KIF5C: variants seen among roughly 807,000 people sequenced by gnomAD.
The protein encoded by KIF5C is kinesin family member 5C, also known as kinesin heavy chain isoform 5C.
Under a neutral mutation model 125.2 loss-of-function variants are expected in KIF5C, and 18 were observed. The ratio of observed to expected loss-of-function variants is 0.14; its 90% CI spans 0.10 to 0.21. KIF5C has a LOEUF of 0.21. KIF5C is among the 10% of genes least tolerant of loss of function. The pLI, the probability that KIF5C is intolerant of heterozygous loss-of-function variation, is 1.00. For synonymous variants in KIF5C, 405 were observed against 434.0 expected, an observed-to-expected ratio of 0.93 and a Z score of 0.83; for missense variants, 780 against 1,183.8, an observed-to-expected ratio of 0.66 and a Z score of 5.01.
chr2:148,958,479 T>A (rs2105125819), intron 10 of KIF5C, among the ~76,000 whole-genome samples: 1 of 152,332 alleles, frequency 6.6e-6, no homozygotes, highest in South Asian at 2.1e-4. Context: ...GGCACTTCTT[T>A]TATAAAGTGC....
chr2:148,928,759 T>A (rs1574759625), intron 2 of KIF5C, among the ~76,000 whole-genome samples: 1 of 152,086 alleles, frequency 6.6e-6, no homozygotes, highest in African/African-American at 2.4e-5. Flanking sequence ...GTTTATAGAG[T>A]GGGGCCCTTT....
chr2:148,937,438 GT>G (rs755521821), intron 4 of KIF5C, 50 bp downstream of exon 4: 1 of 1,536,656 alleles, frequency 6.5e-7, no homozygotes, highest in East Asian at 2.5e-5. Flanking sequence ...CCCAGATAAC[GT>G]TTCTTATACC....
chr2:148,992,276 A>T (rs1320314351), intron 16 of KIF5C, among the ~76,000 whole-genome samples: 1 of 152,214 alleles, frequency 6.6e-6, no homozygotes, highest in Non-Finnish European at 1.5e-5. Context: ...TAAAATTGAT[A>T]TATTCATACA....
At chr2:148,976,266 T>TTTATTTATTTAC (rs1052562315) in intron 12 of KIF5C, among the ~76,000 whole-genome samples, 1 of 150,614 alleles carries the variant, frequency 6.6e-6, no homozygotes, top group African/African-American at 2.4e-5. Context: ...TATTTATTTA[T>TTTATTTATTTAC]TTATTTATTT....
At chr2:148,912,496 G>A (rs1197374404) in intron 1 of KIF5C, among the ~76,000 whole-genome samples, 1 of 152,226 alleles carries the variant, frequency 6.6e-6, no homozygotes, top group Non-Finnish European at 1.5e-5. Context: ...CCAGGCCTTA[G>A]TGCAGTGGCA....
Position 149,024,919 on chromosome 2 carries a change from A to G in KIF5C, c.*1849A>G, listed in dbSNP as rs1218708151. 6.6e-6 allele frequency: 1 copy of G among 152,356 alleles called. No individual in the cohort carries two copies. Among genetic ancestry groups the G allele is most frequent in the Non-Finnish European group, 1.5e-5 (1 of 68,034 alleles). The allele number at this position is 152,356 out of a possible 1,614,324, so 9.4% of individuals were successfully genotyped here. On this transcript the variant is annotated 3_prime_UTR_variant, in exon 26 of 26. Coordinates refer to ENST00000435030, the MANE Select transcript of KIF5C (RefSeq NM_004522.3). ...TAACATATGCCACATAACCTTGTTG[A>G]TATGTTTGCTTCTGATTTGGGAAGC... is the stretch of plus-strand genomic sequence containing the variant.
At chr2:148,953,660 C>T (rs528634659) in intron 10 of KIF5C, among the ~76,000 whole-genome samples, 2 of 152,278 alleles carry the variant, frequency 1.3e-5, no homozygotes, top group East Asian at 3.9e-4. Context: ...TGAGGTTCCT[C>T]CGTTATTCCT....
intron 2 of KIF5C, among the ~76,000 whole-genome samples, chr2:148,922,595 C>A (rs912195179): frequency 2.6e-5 from 4 of 152,164 alleles, no homozygotes; most frequent in African/African-American, 9.7e-5. Context: ...TCCTGATGCT[C>A]CAGTTGTACA....
intron 2 of KIF5C, among the ~76,000 whole-genome samples, chr2:148,927,346 G>A (rs1682042253): frequency 6.6e-6 from 1 of 152,174 alleles, no homozygotes; most frequent in Admixed American, 6.5e-5. Flanking sequence ...TGGGAACATC[G>A]GCCCTTGCAG....
At chr2:148,963,498 T>C (rs1270975302) in intron 11 of KIF5C, among the ~76,000 whole-genome samples, 1 of 152,246 alleles carries the variant, frequency 6.6e-6, no homozygotes, top group African/African-American at 2.4e-5. Flanking sequence ...CCTAGTAGTC[T>C]AAATAACATG....
rs184475645 is a variant in KIF5C, at chr2:148,938,897, C to T, written c.396+1509C>T. Among the ~76,000 whole-genome samples the T allele has an allele frequency of 1.5e-3, 224 of 151,702 alleles. 1 individual carries two copies. Among genetic ancestry groups the T allele is most frequent in the Non-Finnish European group, 2.5e-3 (169 of 67,912 alleles). ...GGTCAGGAGTTCACGACCAGCCTGGCCAACATGGTGAAACCCTGTCTCAAC... is the reference window on the plus strand; with the variant it reads ...GGTCAGGAGTTCACGACCAGCCTGGTCAACATGGTGAAACCCTGTCTCAAC... On this transcript the variant is annotated intron_variant, in intron 4 of 25. Transcript: ENST00000435030.
chr2:149,015,056 A>T (rs1397370663), intron 25 of KIF5C, among the ~76,000 whole-genome samples: 1 of 152,148 alleles, frequency 6.6e-6, no homozygotes, highest in Non-Finnish European at 1.5e-5. Flanking sequence ...GGGCGTAGAC[A>T]TGCACACCTG....
chr2:148,979,432 A>T (rs531787859), intron 13 of KIF5C, among the ~76,000 whole-genome samples: 1 of 152,184 alleles, frequency 6.6e-6, no homozygotes, highest in South Asian at 2.1e-4. Context: ...ATGTGCCACC[A>T]TACCTAGCTA....
At chr2:148,913,007 C>G (rs1327533690) in intron 1 of KIF5C, among the ~76,000 whole-genome samples, 3 of 152,168 alleles carry the variant, frequency 2.0e-5, no homozygotes, top group Non-Finnish European at 4.4e-5. Context: ...ATGTTAAATA[C>G]CCATTGTGAT....
At position 148,875,574 on chromosome 2, in the gene KIF5C, GGCCCCCCACCCATCCCCGT is replaced by G; in HGVS notation, c.-37_-19del. On this transcript the variant is annotated 5_prime_UTR_variant, in exon 1 of 26. Coordinates refer to ENST00000435030, the MANE Select transcript of KIF5C (RefSeq NM_004522.3). ...CTCCTCCCTCGTCGTTCCCGGCCCC[GGCCCCCCACCCATCCCCGT>G]GCCCCCTCCCTACCGCCGGCCGAGA... 2 of 495,058 alleles carry G rather than the reference GGCCCCCCACCCATCCCCGT, an allele frequency of 4.0e-6. No individual in the cohort carries two copies. Among genetic ancestry groups the G allele is most frequent in the East Asian group, 4.9e-5 (1 of 20,394 alleles). The allele number at this position is 495,058 out of a possible 1,614,324, so 30.7% of individuals were successfully genotyped here.
intron 2 of KIF5C, among the ~76,000 whole-genome samples, chr2:148,928,488 G>T (rs1682088945): frequency 6.6e-6 from 1 of 152,208 alleles, no homozygotes; most frequent in Admixed American, 6.5e-5. Flanking sequence ...TGCTTTGAAA[G>T]AATTCCCACA....
chr2:149,009,634 C>A (rs887613830), intron 23 of KIF5C, among the ~76,000 whole-genome samples: 1 of 152,142 alleles, frequency 6.6e-6, no homozygotes, highest in Non-Finnish European at 1.5e-5. Flanking sequence ...CTTACCTTAG[C>A]CTCTGGATGT....
Position 149,024,638 on chromosome 2 carries a change from T to C in KIF5C, c.*1568T>C, listed in dbSNP as rs556686487. 6.6e-6 allele frequency: 1 copy of C among 152,504 alleles called. No individual in the cohort carries two copies. The highest frequency in any genetic ancestry group is 2.1e-4 in the South Asian group (1 of 4,810). The allele number at this position is 152,504 out of a possible 1,614,324, so 9.4% of individuals were successfully genotyped here. A position where few individuals can be genotyped will look rare whatever the true frequency, so the allele number is the denominator to read the frequency against. ...CAAAATTTCCCTAGCAAAGCAAACCTGCTTTGACTTAATTTATTTGTTAAA... is the reference window on the plus strand; with the variant it reads ...CAAAATTTCCCTAGCAAAGCAAACCCGCTTTGACTTAATTTATTTGTTAAA... On this transcript the variant is annotated 3_prime_UTR_variant, in exon 26 of 26. Coordinates refer to ENST00000435030, the MANE Select transcript of KIF5C (RefSeq NM_004522.3).
Position 149,008,038 on chromosome 2 carries a change from C to G in KIF5C, c.2521C>G (p.Leu841Val). The G allele has an allele frequency of 6.2e-7, 1 of 1,612,474 alleles. No homozygotes were observed. The highest frequency in any genetic ancestry group is 8.5e-7 in the Non-Finnish European group (1 of 1,178,900). Residue 841 changes from leucine (L) to valine (V), a missense_variant, in exon 23 of 26, where the codon CTG becomes GTG. By Grantham distance (32) the Leu-to-Val change is conservative. Around this residue, in one of 2 missense-constraint regions of KIF5C, gnomAD observed 573 missense variants for 742.6 expected, o/e 0.77. Transcript: ENST00000435030. ...GAAAATTTCCTTCTTGGAGAATAAC[C>G]TGGAGCAGCTCACCAAAGTTCACAA... ...KQKISFLENN[L>V]EQLTKVHKQL... is the part of the protein sequence containing the mutation.
Sources: allele counts gnomAD v4.1 joint callset (sites outside exome capture counted in the v4.1 genomes callset), GRCh38; gene constraint gnomAD v4.1.1; regional missense constraint gnomAD v4.1.1; transcripts MANE v1.5; gene names NCBI Gene and HGNC (gene_info 2026-07-23, HGNC 2026-07-21).